The following NBAS variants were observed in gnomAD, a reference collection of about 807,000 sequenced individuals.
NBAS encodes the protein NAG/BC035112 fusion.
A neutral mutation model predicts 302.5 loss-of-function variants in NBAS; 219 were observed. That is an observed-to-expected ratio of 0.72 (90% CI 0.65 to 0.81). The LOEUF is 0.81. Among genes scored for constraint, NBAS ranks in the 30% least tolerant of loss-of-function variants. The pLI is 0.00. For missense variants in NBAS, 2,932 were observed against 2,841.6 expected (o/e 1.03, Z -0.72); for synonymous variants, 1,118 against 1,021.6 (o/e 1.09, Z -1.80).
intron 38 of NBAS, among the ~76,000 whole-genome samples, chr2:15,319,392 A>C (rs1671679987): frequency 2.0e-5 from 3 of 152,208 alleles, no homozygotes; most frequent in Admixed American, 2.0e-4. Context: ...AGAAATAACT[A>C]AGATCAGAGC....
intron 48 of NBAS, among the ~76,000 whole-genome samples, chr2:15,194,285 A>G (rs1345169438): frequency 6.6e-6 from 1 of 152,182 alleles, no homozygotes; most frequent in African/African-American, 2.4e-5. Flanking sequence ...AAAAGTAGGT[A>G]GAAAAAGAAA....
At chr2:14,795,928 T>C in the NBAS span, among the ~76,000 whole-genome samples, 1 of 152,232 alleles carries the variant, frequency 6.6e-6, no homozygotes, top group Non-Finnish European at 1.5e-5. Context: ...TATTCTTCTG[T>C]ATGTCTTTTA....
At chr2:15,091,539 CT>C in the NBAS span, among the ~76,000 whole-genome samples, 65 of 143,868 alleles carry the variant, frequency 4.5e-4, no homozygotes, top group East Asian at 4.0e-4. Context: ...TTTTCTTTTT[CT>C]TTTTTTTTTT....
the NBAS span, among the ~76,000 whole-genome samples, chr2:14,847,936 T>A: frequency 2.1e-4 from 32 of 152,318 alleles, no homozygotes; most frequent in Non-Finnish European, 4.1e-4. Context: ...GCATCTTCTC[T>A]GACCACAATG....
At chr2:14,960,604 G>A in the NBAS span, among the ~76,000 whole-genome samples, 5 of 152,178 alleles carry the variant, frequency 3.3e-5, no homozygotes, top group Non-Finnish European at 7.3e-5. Flanking sequence ...TGGCAAGAGA[G>A]CCCATGCCTC....
chr2:15,342,620 A>T (rs1327398878), intron 35 of NBAS, among the ~76,000 whole-genome samples: 2 of 152,000 alleles, frequency 1.3e-5, no homozygotes, highest in Non-Finnish European at 2.9e-5. Flanking sequence ...GGGCTCAGAA[A>T]GATCAGAGAA....
chr2:14,885,151 T>G, the NBAS span, among the ~76,000 whole-genome samples: 1 of 152,322 alleles, frequency 6.6e-6, no homozygotes, highest in African/African-American at 2.4e-5. Context: ...TTACTCTTAC[T>G]ACTATGTAGA....
rs1678457535 is a variant in NBAS, at chr2:15,442,163, G to A, written c.2340-14369C>T. On this transcript the variant is annotated intron_variant, in intron 21 of 51. Coordinates refer to ENST00000281513, the MANE Select transcript of NBAS (RefSeq NM_015909.4). Reference sequence around the variant, plus strand: ...AGCTCTGCACCAAGCGGACCTAATAGACATCTACAGAACTCTCCACCCCAA... The same window carrying A: ...AGCTCTGCACCAAGCGGACCTAATAAACATCTACAGAACTCTCCACCCCAA... Among the ~76,000 whole-genome samples the A allele has an allele frequency of 1.8e-4, 23 of 126,354 alleles. No individual in the cohort carries two copies. The South Asian group carries it at 6.2e-3, about 34-fold the overall frequency. 82.9% of individuals were successfully genotyped at this position (126,354 alleles called of 152,430 possible). A position where few individuals can be genotyped will look rare whatever the true frequency, so the allele number is the denominator to read the frequency against.
At chr2:15,206,433 A>T (rs562985938) in intron 48 of NBAS, among the ~76,000 whole-genome samples, 153 of 152,344 alleles carry the variant, frequency 1.0e-3, no homozygotes, top group African/African-American at 3.5e-3. Flanking sequence ...GTAGAAAAAA[A>T]AAAACACTAT....
rs113274285 is a variant in NBAS, at chr2:15,427,621, G to A, written c.2423+90C>T. ...TAAATTAGGGAGTGTCATCAAGTAA[G>A]GTTTCATTGGTCAGACACCACTTTC... On this transcript the variant is annotated intron_variant, in intron 22 of 51. Coordinates refer to ENST00000281513, the MANE Select transcript of NBAS (RefSeq NM_015909.4). 2.2e-3 allele frequency: 2,353 copies of A among 1,057,402 alleles called. 33 individuals are homozygous for A. The African/African-American group carries it at 0.032, about 15-fold the overall frequency. The allele number at this position is 1,057,402 out of a possible 1,614,324, so 65.5% of individuals were successfully genotyped here.
intron 6 of NBAS, among the ~76,000 whole-genome samples, chr2:15,546,563 T>C (rs1233054809): frequency 2.0e-5 from 3 of 152,178 alleles, no homozygotes. Flanking sequence ...ACCCCGACTC[T>C]ACTAAAAACA....
the NBAS span, among the ~76,000 whole-genome samples, chr2:14,985,262 A>T: frequency 6.6e-6 from 1 of 152,222 alleles, no homozygotes; most frequent in East Asian, 1.9e-4. Flanking sequence ...GATTAAAGAA[A>T]AAAGGAAAGA....
the NBAS span, among the ~76,000 whole-genome samples, chr2:14,997,325 A>AAAAT: frequency 2.6e-5 from 4 of 152,172 alleles, no homozygotes; most frequent in African/African-American, 4.8e-5. Flanking sequence ...AATACAAGTT[A>AAAAT]AAATAAATAA....
chr2:15,441,204 T>C (rs1391319992), intron 21 of NBAS, among the ~76,000 whole-genome samples: 3 of 151,956 alleles, frequency 2.0e-5, no homozygotes, highest in African/African-American at 7.3e-5. Context: ...CACATAATTG[T>C]CAGATTCACC....
At chr2:14,908,065 A>G in the NBAS span, among the ~76,000 whole-genome samples, 3 of 152,202 alleles carry the variant, frequency 2.0e-5, no homozygotes, top group Admixed American at 2.0e-4. Context: ...GGTGAGTCCC[A>G]TCATTAAAGT....
intron 38 of NBAS, among the ~76,000 whole-genome samples, chr2:15,313,912 T>C (rs549184471): frequency 6.6e-6 from 1 of 152,224 alleles, no homozygotes; most frequent in East Asian, 1.9e-4. Context: ...TAGGAAACTA[T>C]GACTCAGACA....
At chr2:14,810,333 C>T in the NBAS span, among the ~76,000 whole-genome samples, 8 of 152,252 alleles carry the variant, frequency 5.3e-5, no homozygotes, top group Non-Finnish European at 8.8e-5. Flanking sequence ...GGGATGTAAT[C>T]GAATCATGGG....
chr2:15,125,163 A>C, the NBAS span, among the ~76,000 whole-genome samples: 8 of 152,164 alleles, frequency 5.3e-5, no homozygotes, highest in Non-Finnish European at 7.4e-5. Flanking sequence ...TTGGGAGCCC[A>C]CCTGTATTAG....
intron 38 of NBAS, among the ~76,000 whole-genome samples, chr2:15,320,856 G>A (rs1030325630): frequency 2.6e-5 from 4 of 152,086 alleles, no homozygotes; most frequent in Non-Finnish European, 5.9e-5. Flanking sequence ...TCCCCATCAA[G>A]CTACCAATGA....
Sources: allele counts gnomAD v4.1 joint callset (sites outside exome capture counted in the v4.1 genomes callset), GRCh38; gene constraint gnomAD v4.1.1; transcripts MANE v1.5; gene names NCBI Gene and HGNC (gene_info 2026-07-23, HGNC 2026-07-21).